Variants in MARCHF1 observed in about 807,000 individuals in gnomAD.
The protein encoded by MARCHF1 is membrane associated ring-CH-type finger 1, also known as E3 ubiquitin-protein ligase MARCHF1.
A neutral mutation model predicts 54.2 loss-of-function variants in MARCHF1; 40 were observed. The ratio of observed to expected loss-of-function variants is 0.74; its 90% CI spans 0.57 to 0.96. MARCHF1 has a LOEUF of 0.96. Ranked by LOEUF, MARCHF1 falls within the 40% of genes least tolerant of loss-of-function variation. The pLI, the probability that MARCHF1 is intolerant of heterozygous loss-of-function variation, is 0.00. For missense variants in MARCHF1, 586 were observed against 656.5 expected (o/e 0.89, Z 1.17); for synonymous variants, 236 against 236.3 (o/e 1.00, Z 0.01).
intron 2 of MARCHF1, among the ~76,000 whole-genome samples, chr4:164,043,206 C>T (rs1290593615): frequency 6.6e-6 from 1 of 152,178 alleles, no homozygotes; most frequent in African/African-American, 2.4e-5. Flanking sequence ...ACCATATTTC[C>T]CCTCCATCTG....
At chr4:163,869,590 A>G (rs1449624166) in intron 3 of MARCHF1, among the ~76,000 whole-genome samples, 1 of 152,080 alleles carries the variant, frequency 6.6e-6, no homozygotes, top group African/African-American at 2.4e-5. Context: ...TTTCTATATT[A>G]TCTGTCAGAC....
intron 3 of MARCHF1, among the ~76,000 whole-genome samples, chr4:163,860,770 A>C (rs1234677303): frequency 6.6e-6 from 1 of 152,200 alleles, no homozygotes; most frequent in Non-Finnish European, 1.5e-5. Context: ...CCCAAAGGCA[A>C]CAGGATAGAC....
chr4:163,882,295 C>A (rs1254185641), intron 3 of MARCHF1, among the ~76,000 whole-genome samples: 1 of 152,118 alleles, frequency 6.6e-6, no homozygotes, highest in Non-Finnish European at 1.5e-5. Context: ...TTTGCCAAAG[C>A]AAAGATGACA....
intron 1 of MARCHF1, among the ~76,000 whole-genome samples, chr4:164,215,002 C>T (rs1266282580): frequency 1.3e-5 from 2 of 152,160 alleles, no homozygotes; most frequent in East Asian, 3.9e-4. Flanking sequence ...TGAATGTATA[C>T]AGCTGAAGCC....
chr4:163,734,362 A>G (rs975257346), intron 4 of MARCHF1, among the ~76,000 whole-genome samples: 2 of 152,208 alleles, frequency 1.3e-5, no homozygotes, highest in Non-Finnish European at 2.9e-5. Flanking sequence ...ATGTGCAGAC[A>G]GACTTGCACA....
intron 5 of MARCHF1, among the ~76,000 whole-genome samples, chr4:163,678,159 ATTTC>A (rs943366161): frequency 1.6e-4 from 24 of 152,124 alleles, no homozygotes; most frequent in African/African-American, 5.8e-4. Context: ...GTTCTTCCCT[ATTTC>A]TTATACTAAA....
intron 3 of MARCHF1, among the ~76,000 whole-genome samples, chr4:163,895,111 G>A (rs984769096): frequency 4.6e-5 from 7 of 152,064 alleles, no homozygotes; most frequent in Non-Finnish European, 7.4e-5. Flanking sequence ...ATATATATAC[G>A]CATGAGTCGA....
chr4:163,535,753 C>CTT (rs34118311), intron 9 of MARCHF1, among the ~76,000 whole-genome samples: 12 of 144,190 alleles, frequency 8.3e-5, no homozygotes, highest in African/African-American at 3.0e-4. Context: ...TATAGAAGGG[C>CTT]TTTTTTTTTT....
intron 1 of MARCHF1, among the ~76,000 whole-genome samples, chr4:164,301,499 T>C (rs574178720): frequency 2.0e-5 from 3 of 152,216 alleles, no homozygotes; most frequent in South Asian, 2.1e-4. Context: ...GTCAACCAAA[T>C]AGAAAAAGTT....
intron 3 of MARCHF1, among the ~76,000 whole-genome samples, chr4:163,868,038 G>A (rs1750092255): frequency 6.6e-6 from 1 of 151,656 alleles, no homozygotes; most frequent in Non-Finnish European, 1.5e-5. Context: ...TCACCAGAAG[G>A]CCTTTTGCAT....
chr4:164,370,660 G>T (rs1731012607), intron 1 of MARCHF1, among the ~76,000 whole-genome samples: 1 of 152,192 alleles, frequency 6.6e-6, no homozygotes, highest in Non-Finnish European at 1.5e-5. Context: ...TGTAATCCCA[G>T]CACTTTGGGA....
intron 2 of MARCHF1, among the ~76,000 whole-genome samples, chr4:164,107,461 A>C (rs1489107682): frequency 6.6e-6 from 1 of 152,098 alleles, no homozygotes; most frequent in Non-Finnish European, 1.5e-5. Flanking sequence ...CTTGGGCTCA[A>C]GCAGTCCTCT....
intron 4 of MARCHF1, among the ~76,000 whole-genome samples, chr4:163,732,268 G>A (rs764383447): frequency 1.3e-5 from 2 of 151,958 alleles, no homozygotes; most frequent in Non-Finnish European, 2.9e-5. Flanking sequence ...GGTTAAAAAT[G>A]TACTGAATGG....
At chr4:163,999,340 A>T (rs1036870377) in intron 2 of MARCHF1, among the ~76,000 whole-genome samples, 2 of 151,666 alleles carry the variant, frequency 1.3e-5, no homozygotes, top group Non-Finnish European at 3.0e-5. Flanking sequence ...TTTGAAGCTT[A>T]AAGTTACCTA....
At chr4:163,877,955 G>T (rs1750329435) in intron 3 of MARCHF1, among the ~76,000 whole-genome samples, 1 of 152,156 alleles carries the variant, frequency 6.6e-6, no homozygotes, top group Admixed American at 6.6e-5. Context: ...TGAAAGCAGA[G>T]GATAGAGAGA....
At chr4:163,651,759 T>G (rs1165367327) in intron 5 of MARCHF1, among the ~76,000 whole-genome samples, 1 of 151,598 alleles carries the variant, frequency 6.6e-6, no homozygotes, top group Non-Finnish European at 1.5e-5. Context: ...TACTTTTTCC[T>G]CCTTAGTCTC....
At position 163,528,112 on chromosome 4, in the gene MARCHF1, T is replaced by TAAAC. The variant is rs951091446; in HGVS notation, c.*632_*635dup. 17 of 152,490 alleles carry TAAAC rather than the reference T, an allele frequency of 1.1e-4. No individual in the cohort carries two copies. The highest frequency in any genetic ancestry group is 3.9e-4 in the African/African-American group (16 of 41,424). 9.4% of individuals were successfully genotyped at this position (152,490 alleles called of 1,614,324 possible). On this transcript the variant is annotated 3_prime_UTR_variant, in exon 10 of 10. Coordinates refer to ENST00000514618, the MANE Select transcript of MARCHF1 (RefSeq NM_001394959.1). ...TTTTCTGAAAATCTTTTGCGTGACT[T>TAAAC]AAACAAACGTAATTAATTCCAAATA... is the stretch of plus-strand genomic sequence containing the variant.
intron 8 of MARCHF1, among the ~76,000 whole-genome samples, chr4:163,563,358 T>C (rs1419249365): frequency 6.6e-6 from 1 of 152,254 alleles, no homozygotes; most frequent in Non-Finnish European, 1.5e-5. Context: ...GCCAGCTATT[T>C]TGAATTTCTG....
chr4:163,539,657 T>C (rs764489655), intron 9 of MARCHF1, among the ~76,000 whole-genome samples: 2 of 152,222 alleles, frequency 1.3e-5, no homozygotes, highest in Non-Finnish European at 2.9e-5. Context: ...GTCTAGTTAG[T>C]TGTCAGCCAG....
Sources: gnomAD v4.1 joint callset for allele counts (sites outside exome capture counted in the v4.1 genomes callset) on GRCh38, gnomAD v4.1.1 for gene constraint, MANE v1.5 for transcripts, NCBI Gene and HGNC (gene_info 2026-07-23, HGNC 2026-07-21) for gene names.